PTCSC3: variants seen among roughly 807,000 people sequenced by gnomAD.
PTCSC3 encodes papillary thyroid carcinoma susceptibility candidate 3.
intron 1 of PTCSC3, among the ~76,000 whole-genome samples, chr14:36,164,722 C>T (rs958906213): frequency 6.6e-6 from 1 of 152,214 alleles, no homozygotes; most frequent in Non-Finnish European, 1.5e-5. Context: ...GTCCCCATCC[C>T]TTTACATTGT....
intron 2 of PTCSC3, among the ~76,000 whole-genome samples, chr14:36,161,666 C>T (rs1395443155): frequency 6.6e-6 from 1 of 152,184 alleles, no homozygotes; most frequent in Non-Finnish European, 1.5e-5. Context: ...TCCACCCCGG[C>T]TGGGAGGTGT....
At chr14:36,165,427 CTCTG>C (rs918925031) in intron 1 of PTCSC3, 1 of 152,078 alleles carries the variant, frequency 6.6e-6, no homozygotes, top group African/African-American at 2.4e-5. Flanking sequence ...CTCTCTCCAT[CTCTG>C]TCTGTTTCTC....
At chr14:36,168,473 A>G (rs1454611966) in intron 1 of PTCSC3, among the ~76,000 whole-genome samples, 1 of 150,568 alleles carries the variant, frequency 6.6e-6, no homozygotes, top group Non-Finnish European at 1.5e-5. Context: ...CCTTCCAGCT[A>G]GTTAAGGTTG....
At chr14:36,145,543 TTCTC>T (rs1188333336) in intron 3 of PTCSC3, among the ~76,000 whole-genome samples, 5 of 140,894 alleles carry the variant, frequency 3.5e-5, no homozygotes, top group Admixed American at 7.0e-5. Flanking sequence ...TATTTGATTC[TTCTC>T]TCTTTTTTTC....
intron 1 of PTCSC3, among the ~76,000 whole-genome samples, chr14:36,174,414 A>G (rs909196472): frequency 6.6e-6 from 1 of 152,064 alleles, no homozygotes; most frequent in Non-Finnish European, 1.5e-5. Flanking sequence ...TTGTATTTGT[A>G]GTTTCCATTT....
intron 3 of PTCSC3, among the ~76,000 whole-genome samples, chr14:36,151,314 A>T (rs1379226767): frequency 6.6e-6 from 1 of 151,118 alleles, no homozygotes; most frequent in Non-Finnish European, 1.5e-5. Context: ...GCTTTTTTCA[A>T]GATGTTTTGT....
chr14:36,167,634 G>A (rs906916178), intron 1 of PTCSC3, among the ~76,000 whole-genome samples: 5 of 151,986 alleles, frequency 3.3e-5, no homozygotes, highest in East Asian at 1.9e-4. Flanking sequence ...CCAGGGGAGC[G>A]TAAACAAATC....
intron 2 of PTCSC3, among the ~76,000 whole-genome samples, chr14:36,156,945 G>T (rs1881842233): frequency 6.6e-6 from 1 of 152,184 alleles, no homozygotes; most frequent in South Asian, 2.1e-4. Context: ...AGGATTGCTG[G>T]GTCAAATGGT....
At chr14:36,140,107 G>A (rs1594443096) in intron 3 of PTCSC3, among the ~76,000 whole-genome samples, 2 of 152,154 alleles carry the variant, frequency 1.3e-5, no homozygotes, top group African/African-American at 4.8e-5. Flanking sequence ...TTTCAGACTG[G>A]AATCTTTCAC....
chr14:36,155,073 G>A (rs982063680), intron 2 of PTCSC3, among the ~76,000 whole-genome samples: 2 of 151,916 alleles, frequency 1.3e-5, no homozygotes, highest in Non-Finnish European at 2.9e-5. Context: ...TTACACCTCA[G>A]GAAAAAGGCA....
At chr14:36,154,629 A>C (rs1029090238) in intron 2 of PTCSC3, among the ~76,000 whole-genome samples, 1 of 152,030 alleles carries the variant, frequency 6.6e-6, no homozygotes, top group Non-Finnish European at 1.5e-5. Flanking sequence ...GCCACGTGAG[A>C]GGGGATGAGG....
At chr14:36,171,848 A>T (rs1882200128) in intron 1 of PTCSC3, among the ~76,000 whole-genome samples, 1 of 152,126 alleles carries the variant, frequency 6.6e-6, no homozygotes, top group Non-Finnish European at 1.5e-5. Flanking sequence ...CTTGACATAG[A>T]TGACCATACC....
rs1163795054 is a variant in PTCSC3, at chr14:36,159,888, C to T, written n.231+2736G>A. Among the ~76,000 whole-genome samples the T allele has an allele frequency of 2.0e-5, 3 of 152,210 alleles. No homozygotes were observed. In the South Asian group the frequency reaches 6.2e-4, roughly 32 times the overall value. On this transcript the variant is annotated intron_variant and non_coding_transcript_variant, in intron 2 of 3. Transcript: ENST00000556013. ...CTCTTTGTAGGTCTCTAAGGACTTG[C>T]TTTATGAATCTGGGTGCTTCTGTAC...
intron 3 of PTCSC3, among the ~76,000 whole-genome samples, chr14:36,148,456 C>T (rs867180535): frequency 6.6e-6 from 1 of 152,204 alleles, no homozygotes; most frequent in Non-Finnish European, 1.5e-5. Context: ...CTTTCTTTGA[C>T]TCGGAAAGGG....
intron 2 of PTCSC3, among the ~76,000 whole-genome samples, chr14:36,160,854 G>A (rs1356214590): frequency 1.3e-5 from 2 of 152,066 alleles, no homozygotes; most frequent in Non-Finnish European, 2.9e-5. Flanking sequence ...TCACTTTCAG[G>A]TATGCCAATC....
At chr14:36,152,701 A>C (rs1169130) in intron 3 of PTCSC3, among the ~76,000 whole-genome samples, 97,400 of 151,716 alleles carry the variant, frequency 0.64, 31,593 homozygotes, top group Middle Eastern at 0.69. Flanking sequence ...TGAGACCAGC[A>C]TGGCCAACAA....
chr14:36,160,932 T>C (rs1410236426), intron 2 of PTCSC3, among the ~76,000 whole-genome samples: 1 of 152,208 alleles, frequency 6.6e-6, no homozygotes, highest in Non-Finnish European at 1.5e-5. Context: ...CTTTTTATTC[T>C]TTTTTCTTTA....
chr14:36,147,149 G>T (rs1881594822), intron 3 of PTCSC3, among the ~76,000 whole-genome samples: 1 of 152,094 alleles, frequency 6.6e-6, no homozygotes, highest in Non-Finnish European at 1.5e-5. Context: ...TCTTGGAGTT[G>T]CTCTTCTGGA....
At chr14:36,152,583 A>C (rs1366348840) in intron 3 of PTCSC3, among the ~76,000 whole-genome samples, 7 of 152,180 alleles carry the variant, frequency 4.6e-5, no homozygotes, top group African/African-American at 1.7e-4. Flanking sequence ...TTGTATTCAG[A>C]ATATGAGAAC....
Sources: gnomAD v4.1 joint callset for allele counts (sites outside exome capture counted in the v4.1 genomes callset) on GRCh38, gnomAD v4.1.1 for gene constraint, MANE v1.5 for transcripts, NCBI Gene and HGNC (gene_info 2026-07-23, HGNC 2026-07-21) for gene names.